XPO6: variants seen among roughly 807,000 people sequenced by gnomAD.
XPO6 encodes the protein exportin-6.
A neutral mutation model predicts 130.0 loss-of-function variants in XPO6; 3 were observed. The ratio of observed to expected loss-of-function variants is 0.02; its 90% CI spans 0.01 to 0.06. The LOEUF is 0.06. XPO6 is among the 10% of genes least tolerant of loss of function. XPO6 has a pLI of 1.00. For missense variants in XPO6, 970 were observed against 1,393.0 expected, an observed-to-expected ratio of 0.70 and a Z score of 4.83; for synonymous variants, 524 against 548.9, an observed-to-expected ratio of 0.95 and a Z score of 0.63.
intron 7 of XPO6, chr16:28,155,585 T>A (rs1472319883): frequency 6.3e-6 from 1 of 157,832 alleles, no homozygotes; most frequent in Non-Finnish European, 1.4e-5. Flanking sequence ...AAACTTGCCA[T>A]TGGTGTAAAA....
At chr16:28,153,747 T>C (rs747781021) in intron 7 of XPO6, 4 of 985,386 alleles carry the variant, frequency 4.1e-6, no homozygotes, top group Non-Finnish European at 4.8e-6. Context: ...TACTAGGCCT[T>C]AGCTGAAAAT....
Position 28,169,807 on chromosome 16 carries a change from C to G in XPO6, c.508G>C (p.Glu170Gln). The G allele has an allele frequency of 6.2e-7, 1 of 1,614,134 alleles. No individual in the cohort carries two copies. The highest frequency in any genetic ancestry group is 8.5e-7 in the Non-Finnish European group (1 of 1,179,998). The stretch of plus-strand genomic sequence containing the variant: ...TCCAGTAGCAGCTTCCGCAACTCCT[C>G]CTTCCGAGCCACACTGAGGTCCTCA... ...PREDLSVARK[E>Q]ELRKLLLDQV... Residue 170 changes from glutamate (E) to glutamine (Q), a missense_variant, in exon 5 of 24, where the codon GAG (glutamate) becomes CAG (glutamine). Transcript: ENST00000304658.
chr16:28,131,482 C>G (rs1467103921), intron 12 of XPO6, among the ~76,000 whole-genome samples: 1 of 152,210 alleles, frequency 6.6e-6, no homozygotes, highest in African/African-American at 2.4e-5. Context: ...GAGAGTGGTG[C>G]ATAGCAGCTG....
chr16:28,171,752 C>G (rs1349633374), intron 4 of XPO6, among the ~76,000 whole-genome samples: 1 of 152,170 alleles, frequency 6.6e-6, no homozygotes, highest in Non-Finnish European at 1.5e-5. Flanking sequence ...ATTTCTAACA[C>G]TGACTTAAAT....
chr16:28,123,629 G>T (rs2023770), intron 13 of XPO6, among the ~76,000 whole-genome samples: 1 of 152,084 alleles, frequency 6.6e-6, no homozygotes, highest in African/African-American at 2.4e-5. Flanking sequence ...GAGCACTTCC[G>T]GTCAGTCAAG....
intron 1 of XPO6, among the ~76,000 whole-genome samples, chr16:28,193,799 T>G (rs2043818716): frequency 6.6e-6 from 1 of 152,178 alleles, no homozygotes; most frequent in Non-Finnish European, 1.5e-5. Flanking sequence ...CGTCCCACGA[T>G]TCTCAACCAA....
chr16:28,208,845 ATGGTGG>A (rs2044077263), intron 1 of XPO6: 1 of 152,242 alleles, frequency 6.6e-6, no homozygotes, highest in African/African-American at 2.4e-5. Context: ...GCCCTGGTAT[ATGGTGG>A]TGGCTACTGA....
At position 28,155,748 on chromosome 16, in the gene XPO6, C is replaced by G. The variant is rs989797935; in HGVS notation, c.1097+326G>C. 3.4e-5 allele frequency: 9 copies of G among 262,266 alleles called. No individual in the cohort carries two copies. In the South Asian group the frequency reaches 6.2e-4, roughly 18 times the overall value. The allele number at this position is 262,266 out of a possible 1,614,324, so 16.2% of individuals were successfully genotyped here. A position where few individuals can be genotyped will look rare whatever the true frequency, so the allele number is the denominator to read the frequency against. On this transcript the variant is annotated intron_variant, in intron 7 of 23. Coordinates refer to ENST00000304658, the MANE Select transcript of XPO6 (RefSeq NM_015171.4). Reference sequence around the variant, plus strand: ...TTCTTGGCTACGCAGGAGCAGCAGTCTCAGTCCCTGCACCACCTCAGACCT... The same window carrying G: ...TTCTTGGCTACGCAGGAGCAGCAGTGTCAGTCCCTGCACCACCTCAGACCT...
intron 15 of XPO6, among the ~76,000 whole-genome samples, chr16:28,114,226 C>G (rs938435903): frequency 4.1e-5 from 6 of 144,958 alleles, no homozygotes; most frequent in African/African-American, 1.3e-4. Flanking sequence ...AACCACTGGA[C>G]ATTTTGACAA....
intron 1 of XPO6, among the ~76,000 whole-genome samples, chr16:28,195,584 CTTT>C (rs2043846056): frequency 6.6e-6 from 1 of 152,136 alleles, no homozygotes; most frequent in Non-Finnish European, 1.5e-5. Flanking sequence ...GAAACCTCGT[CTTT>C]ACTAAAAATA....
chr16:28,121,112 T>C (rs1426354162), intron 14 of XPO6, among the ~76,000 whole-genome samples: 5 of 152,238 alleles, frequency 3.3e-5, no homozygotes, highest in Admixed American at 6.5e-5. Flanking sequence ...ATCTGTAGAG[T>C]TTCTGTAGGT....
chr16:28,199,993 T>C (rs1458180395), intron 1 of XPO6, among the ~76,000 whole-genome samples: 7 of 151,978 alleles, frequency 4.6e-5, no homozygotes, highest in Admixed American at 4.6e-4. Context: ...CTGTCTCTAC[T>C]GAAAATACAA....
chr16:28,134,048 G>A, intron 10 of XPO6, 115 bp from the exon 11 acceptor site: 1 of 991,468 alleles, frequency 1.0e-6, no homozygotes, highest in Non-Finnish European at 1.5e-6. Flanking sequence ...ATGGAACCAG[G>A]TTATCTGGTA....
intron 1 of XPO6, among the ~76,000 whole-genome samples, chr16:28,193,448 A>C (rs926802370): frequency 3.3e-5 from 5 of 152,216 alleles, no homozygotes; most frequent in Non-Finnish European, 7.3e-5. Flanking sequence ...GCAACTCTCT[A>C]ACCAGGGACT....
At chr16:28,154,149 T>G (rs2043142455) in intron 7 of XPO6, 1 of 984,520 alleles carries the variant, frequency 1.0e-6, no homozygotes, top group East Asian at 1.1e-4. Context: ...TAGGAACTCC[T>G]TCCTCACTCA....
chr16:28,113,014 G>C lies in XPO6; in HGVS notation c.2041C>G (p.Leu681Val). The change falls in exon 16 of 24, where the codon CTG (leucine) becomes GTG (valine). Residue 681 changes from leucine to valine, a missense_variant. Physicochemically the swap from Leu to Val is conservative, Grantham distance 32. Around this residue, in one of 4 missense-constraint regions of XPO6, gnomAD observed 936 missense variants for 1,306.8 expected, o/e 0.72. Coordinates refer to ENST00000304658, the MANE Select transcript of XPO6 (RefSeq NM_015171.4). ...CGCACGGTGGTGGCCAGTGAGACCA[G>C]TAAGTGGCACGCAGATAGCAGCAGC... ...DKLLLSACHL[L>V]VSLATTVRPV... 6.2e-7 allele frequency: 1 copy of C among 1,614,094 alleles called. No homozygotes were observed. Among genetic ancestry groups the C allele is most frequent in the Non-Finnish European group, 8.5e-7 (1 of 1,180,006 alleles).
Position 28,101,571 on chromosome 16 carries a change from A to C in XPO6, c.3163T>G (p.Ser1055Ala), listed in dbSNP as rs2086656615. The C allele has an allele frequency of 1.9e-6, 3 of 1,614,234 alleles. No homozygotes were observed. The highest frequency in any genetic ancestry group is 2.5e-6 in the Non-Finnish European group (3 of 1,180,038). ...GCAAAGAAGCCATCAAAGTCGACTG[A>C]GGCCATGTTGTAGATGGCGATGCCA... The part of the protein sequence containing the change: ...EIGIAIYNMA[S>A]VDFDGFFAAF... The change falls in exon 23 of 24, where the codon TCA becomes GCA. Residue 1055 changes from serine to alanine, a missense_variant. Coordinates refer to ENST00000304658, the MANE Select transcript of XPO6 (RefSeq NM_015171.4). This position sits in a 1 kb window ranked among gnomAD's most constrained non-coding sequence, Gnocchi z 5.4.
intron 1 of XPO6, among the ~76,000 whole-genome samples, 156 bp downstream of exon 1, chr16:28,211,210 G>A (rs983291244): frequency 2.0e-5 from 3 of 152,158 alleles, no homozygotes; most frequent in South Asian, 2.1e-4. Context: ...GCGCAGGGCC[G>A]GGGCTGCACA....
At chr16:28,194,425 T>G (rs1382024918) in intron 1 of XPO6, among the ~76,000 whole-genome samples, 1 of 152,172 alleles carries the variant, frequency 6.6e-6, no homozygotes, top group African/African-American at 2.4e-5. Flanking sequence ...AGTTTGGGAC[T>G]AGACTCATGA....
Sources: gnomAD v4.1 joint callset for allele counts (sites outside exome capture counted in the v4.1 genomes callset) on GRCh38, gnomAD v4.1.1 for gene constraint, gnomAD v4.1.1 regional missense constraint, Gnocchi (gnomAD v3.1) non-coding constraint, MANE v1.5 for transcripts, NCBI Gene and HGNC (gene_info 2026-07-23, HGNC 2026-07-21) for gene names.